FER1L6: variants seen among roughly 807,000 people sequenced by gnomAD.
FER1L6 encodes fer-1 like family member 6.
In FER1L6, 177 loss-of-function variants were observed where a neutral mutation model predicts 219.2. The ratio of observed to expected loss-of-function variants is 0.81; its 90% CI spans 0.71 to 0.91. The LOEUF (loss-of-function observed/expected upper bound fraction) is 0.91, where lower values mean the gene tolerates loss of function less well. Among genes scored for constraint, FER1L6 ranks in the 40% least tolerant of loss-of-function variants. The probability of loss-of-function intolerance (pLI) is 0.00; values close to 1 mark genes in which losing one functional copy is unlikely to be tolerated. For missense variants in FER1L6, 2,153 were observed against 2,259.9 expected, an observed-to-expected ratio of 0.95 and a Z score of 0.96; for synonymous variants, 768 against 824.3, an observed-to-expected ratio of 0.93 and a Z score of 1.17.
chr8:124,005,830 T>A (rs945146400), intron 13 of FER1L6, among the ~76,000 whole-genome samples: 5 of 152,194 alleles, frequency 3.3e-5, no homozygotes, highest in African/African-American at 9.7e-5. Context: ...TCCTAAAGGA[T>A]GAGAATGTGC....
chr8:123,950,071 T>G (rs1400829694), intron 1 of FER1L6, among the ~76,000 whole-genome samples: 1 of 152,182 alleles, frequency 6.6e-6, no homozygotes, highest in East Asian at 1.9e-4. Flanking sequence ...GCCTGGATAT[T>G]AAGAAGATGG....
At chr8:124,011,804 T>C (rs1817945884) in intron 14 of FER1L6, among the ~76,000 whole-genome samples, 1 of 152,190 alleles carries the variant, frequency 6.6e-6, no homozygotes. Context: ...TTATTTTCCT[T>C]TGGACCTCTT....
chr8:123,883,396 G>T (rs2129670036), intron 1 of FER1L6, among the ~76,000 whole-genome samples: 2 of 152,322 alleles, frequency 1.3e-5, no homozygotes, highest in South Asian at 4.1e-4. Context: ...ATTAGTTAGT[G>T]GCCAGGGAAT....
chr8:123,930,034 T>C (rs1813711266), intron 1 of FER1L6, among the ~76,000 whole-genome samples: 1 of 151,736 alleles, frequency 6.6e-6, no homozygotes, highest in Non-Finnish European at 1.5e-5. Flanking sequence ...GTAGATAACA[T>C]GCAGTTGTAA....
chr8:124,006,978 G>A (rs1817684485), intron 13 of FER1L6, among the ~76,000 whole-genome samples: 2 of 152,200 alleles, frequency 1.3e-5, no homozygotes, highest in Admixed American at 1.3e-4. Flanking sequence ...TCTATCTGCA[G>A]GATTCTTAGT....
chr8:123,969,074 G>T lies in FER1L6; in HGVS notation c.385-961G>T, dbSNP rs575036588. On this transcript the variant is annotated intron_variant, in intron 5 of 40. Coordinates refer to ENST00000522917, the MANE Select transcript of FER1L6 (RefSeq NM_001039112.2). Reference sequence around the variant, plus strand: ...GAGGATCTTGACTCAAGAGTCAGATGGTGAAATATCTAGTACTTGATCCCC... The same window carrying T: ...GAGGATCTTGACTCAAGAGTCAGATTGTGAAATATCTAGTACTTGATCCCC... 2.6e-5 allele frequency among the ~76,000 whole-genome samples: 4 copies of T among 152,242 alleles called. No homozygotes were observed. The South Asian group carries it at 8.3e-4, about 32-fold the overall frequency.
chr8:123,904,077 A>T (rs1375881059), intron 1 of FER1L6, among the ~76,000 whole-genome samples: 1 of 152,148 alleles, frequency 6.6e-6, no homozygotes, highest in Non-Finnish European at 1.5e-5. Context: ...AGGGCAGTAG[A>T]TGTGTAGAAT....
chr8:123,929,877 G>A (rs1813703249), intron 1 of FER1L6, among the ~76,000 whole-genome samples: 1 of 152,038 alleles, frequency 6.6e-6, no homozygotes, highest in South Asian at 2.1e-4. Context: ...TGATACCACA[G>A]TCTAGTGGGT....
intron 1 of FER1L6, among the ~76,000 whole-genome samples, chr8:123,858,437 C>T (rs1315111577): frequency 1.3e-5 from 2 of 152,144 alleles, no homozygotes; most frequent in Non-Finnish European, 2.9e-5. Flanking sequence ...TACCTGAAAT[C>T]CCAGTGGCTT....
At chr8:123,905,301 G>A (rs1325721185) in intron 1 of FER1L6, among the ~76,000 whole-genome samples, 4 of 152,088 alleles carry the variant, frequency 2.6e-5, no homozygotes, top group Admixed American at 2.0e-4. Context: ...CTCATTGTTC[G>A]GCTCCCAGTT....
intron 7 of FER1L6, 77 bp downstream of exon 7, chr8:123,973,589 C>A: frequency 9.4e-7 from 1 of 1,059,318 alleles, no homozygotes; most frequent in Non-Finnish European, 1.5e-6. Flanking sequence ...CATTCATTCA[C>A]TCACCTGTGT....
Position 124,094,884 on chromosome 8 carries a change from TC to T in FER1L6, c.4553-11del. On this transcript the variant is annotated splice_polypyrimidine_tract_variant and intron_variant, in intron 34 of 40. Transcript: ENST00000522917. ...AACACACATCTGACAAGTTTGTCTT[TC>T]TTTCCTGCAGATGAGACAGTGGAGT... 1 of 1,613,958 alleles carries T rather than the reference TC, an allele frequency of 6.2e-7. No individual in the cohort carries two copies.
intron 1 of FER1L6, among the ~76,000 whole-genome samples, chr8:123,885,751 G>C (rs548159923): frequency 6.6e-6 from 1 of 152,174 alleles, no homozygotes; most frequent in Non-Finnish European, 1.5e-5. Flanking sequence ...GCCTGGGCCA[G>C]GGGCGGGAGA....
intron 13 of FER1L6, among the ~76,000 whole-genome samples, chr8:124,006,363 AT>A (rs142244969): frequency 0.027 from 4,144 of 151,234 alleles, 109 homozygotes; most frequent in African/African-American, 0.071. Context: ...TCATGCTGGT[AT>A]TTTTTTTTGG....
chr8:124,043,094 T>G (rs1318614210), intron 20 of FER1L6, among the ~76,000 whole-genome samples: 1 of 152,178 alleles, frequency 6.6e-6, no homozygotes, highest in African/African-American at 2.4e-5. Context: ...CTTACCCCAG[T>G]GCACCAAGGC....
intron 37 of FER1L6, among the ~76,000 whole-genome samples, chr8:124,100,121 A>C (rs1474843343): frequency 6.6e-6 from 1 of 152,226 alleles, no homozygotes; most frequent in Non-Finnish European, 1.5e-5. Flanking sequence ...CTCTGTGAAG[A>C]GAAAGGCCTT....
intron 22 of FER1L6, among the ~76,000 whole-genome samples, chr8:124,054,952 G>C (rs147301279): frequency 2.0e-5 from 3 of 152,278 alleles, no homozygotes; most frequent in African/African-American, 7.2e-5. Flanking sequence ...GGCCCGTTGG[G>C]AGACTCTTAA....
chr8:124,012,464 C>T (rs12156023), intron 14 of FER1L6, among the ~76,000 whole-genome samples: 90,055 of 152,154 alleles, frequency 0.59, 28,966 homozygotes, highest in African/African-American at 0.87. Context: ...TTTCTCAGTG[C>T]TGGCATCCCT....
chr8:124,045,838 T>C lies in FER1L6; in HGVS notation c.2661T>C (p.Asp887=). 6.2e-7 allele frequency: 1 copy of C among 1,614,046 alleles called. No individual in the cohort carries two copies. Among genetic ancestry groups the C allele is most frequent in the South Asian group, 1.1e-5 (1 of 91,066 alleles). The stretch of plus-strand genomic sequence containing the variant: ...TCAATGATTTGGTGCTGCATGGAGA[T>C]GTGAAGGAGCTGGCAGAGTCCCCGC... ...LLFNDLVLHG[D]VKELAESPPL... Residue 887 remains aspartate, a synonymous_variant, in exon 21 of 41, where the codon GAT becomes GAC. Transcript: ENST00000522917.
Sources: gnomAD v4.1 joint callset for allele counts (sites outside exome capture counted in the v4.1 genomes callset) on GRCh38, gnomAD v4.1.1 for gene constraint, MANE v1.5 for transcripts, NCBI Gene and HGNC (gene_info 2026-07-23, HGNC 2026-07-21) for gene names.